Variants in CHN2 observed in about 807,000 individuals in gnomAD.
CHN2 encodes chimerin 2.
CHN2 carries 35 observed loss-of-function variants against 56.3 expected under a neutral mutation model. That is an observed-to-expected ratio of 0.62 (90% CI 0.47 to 0.82). CHN2 has a LOEUF of 0.82. Among genes scored for constraint, CHN2 ranks in the 40% least tolerant of loss-of-function variants. The pLI is 0.00. For missense variants in CHN2, 491 were observed against 580.5 expected (o/e 0.85, Z 1.58); for synonymous variants, 210 against 212.8 (o/e 0.99, Z 0.12).
intron 1 of CHN2, among the ~76,000 whole-genome samples, chr7:29,285,520 A>G (rs1204986127): frequency 1.5e-4 from 23 of 152,204 alleles, no homozygotes; most frequent in Admixed American, 1.5e-3. Flanking sequence ...CAGTCTAAAT[A>G]TTCTGTTTCC....
intron 1 of CHN2, chr7:29,335,614 C>G (rs1275834874): frequency 6.6e-6 from 1 of 152,220 alleles, no homozygotes; most frequent in Non-Finnish European, 1.5e-5. Flanking sequence ...GTAGTCTGTA[C>G]TAGAGCCTGC....
At chr7:29,443,281 G>A (rs2128125440) in intron 6 of CHN2, among the ~76,000 whole-genome samples, 1 of 152,254 alleles carries the variant, frequency 6.6e-6, no homozygotes, top group East Asian at 1.9e-4. Flanking sequence ...CTGAATCAGA[G>A]CAGAGGTCGT....
At chr7:29,230,802 T>A (rs1786629368) in intron 1 of CHN2, among the ~76,000 whole-genome samples, 2 of 152,218 alleles carry the variant, frequency 1.3e-5, no homozygotes, top group South Asian at 4.1e-4. Context: ...ATCTTGAAAT[T>A]TTTTTTGTGT....
chr7:29,501,271 C>T (rs1344533177), intron 9 of CHN2, among the ~76,000 whole-genome samples: 1 of 152,144 alleles, frequency 6.6e-6, no homozygotes, highest in African/African-American at 2.4e-5. Flanking sequence ...GTAAGAAATG[C>T]CTTCTATCTT....
intron 6 of CHN2, among the ~76,000 whole-genome samples, chr7:29,456,574 G>A (rs1443610462): frequency 3.3e-5 from 5 of 151,110 alleles, no homozygotes; most frequent in East Asian, 2.0e-4. Context: ...AGGCATACTC[G>A]TTCAAAATGC....
chr7:29,240,816 T>TTCGTCG (rs3046891), intron 1 of CHN2, among the ~76,000 whole-genome samples: 126 of 149,436 alleles, frequency 8.4e-4, no homozygotes, highest in Non-Finnish European at 1.2e-3. Flanking sequence ...CTTCTTCTTC[T>TTCGTCG]TCGTCGTCGT....
intron 8 of CHN2, 26 bp from the exon 9 acceptor site, chr7:29,499,841 G>T (rs1210250027): frequency 6.5e-7 from 1 of 1,539,834 alleles, no homozygotes. Context: ...GGCTGGGCTA[G>T]GCTAATGTGG....
chr7:29,292,682 T>G (rs1792730598), intron 1 of CHN2, among the ~76,000 whole-genome samples: 1 of 152,240 alleles, frequency 6.6e-6, no homozygotes, highest in Non-Finnish European at 1.5e-5. Context: ...GACTGAAATG[T>G]TATTGATTTT....
chr7:29,495,772 T>C (rs985353632), intron 7 of CHN2, among the ~76,000 whole-genome samples, 180 bp from the exon 8 acceptor site: 2 of 152,282 alleles, frequency 1.3e-5, no homozygotes, highest in Admixed American at 6.5e-5. Flanking sequence ...GGTGGATCGA[T>C]GAAGGATTTT....
chr7:29,308,604 G>A (rs1219954012), intron 1 of CHN2, among the ~76,000 whole-genome samples: 3 of 152,158 alleles, frequency 2.0e-5, no homozygotes, highest in African/African-American at 7.2e-5. Flanking sequence ...CACCTGCTGA[G>A]GAGCAAGGAA....
At chr7:29,309,132 T>C (rs1424773485) in intron 1 of CHN2, among the ~76,000 whole-genome samples, 1 of 152,210 alleles carries the variant, frequency 6.6e-6, no homozygotes. Context: ...AAATAGGTCA[T>C]AGTCTTTTAC....
At chr7:29,368,121 C>T (rs770956363) in intron 3 of CHN2, 134 bp downstream of exon 3, 35 of 564,056 alleles carry the variant, frequency 6.2e-5, no homozygotes, top group Non-Finnish European at 9.2e-5. Flanking sequence ...AAAAATTTAA[C>T]ATCTTCATAA....
intron 6 of CHN2, among the ~76,000 whole-genome samples, chr7:29,430,750 C>T (rs1295233598): frequency 7.0e-6 from 1 of 143,434 alleles, no homozygotes; most frequent in Non-Finnish European, 1.5e-5. Flanking sequence ...AGAGGCATCA[C>T]GTGACAATGT....
intron 1 of CHN2, chr7:29,195,596 GA>G: frequency 4.9e-5 from 1 of 20,312 alleles, no homozygotes; most frequent in African/African-American, 1.8e-4. Flanking sequence ...GCACATTTAC[GA>G]GAGAGAGAGA....
intron 1 of CHN2, among the ~76,000 whole-genome samples, chr7:29,339,220 G>A (rs1796846442): frequency 6.6e-6 from 1 of 152,236 alleles, no homozygotes; most frequent in Middle Eastern, 3.4e-3. Context: ...AGTGCTAAAT[G>A]TAATTGTAAA....
chr7:29,481,704 A>AT (rs1223647927), intron 7 of CHN2, among the ~76,000 whole-genome samples: 2 of 120,396 alleles, frequency 1.7e-5, no homozygotes, highest in Non-Finnish European at 3.6e-5. Flanking sequence ...ATCCTCATTA[A>AT]TTTTTTTTGG....
chr7:29,223,447 A>C (rs554691654), intron 1 of CHN2, among the ~76,000 whole-genome samples: 4 of 152,152 alleles, frequency 2.6e-5, no homozygotes, highest in Non-Finnish European at 4.4e-5. Context: ...ATCAATCACT[A>C]TGCTGACTTC....
chr7:29,176,320 A>G (rs1021156099), intron 2 of CHN2, among the ~76,000 whole-genome samples: 1 of 152,190 alleles, frequency 6.6e-6, no homozygotes, highest in Non-Finnish European at 1.5e-5. Flanking sequence ...ACATTTAGAT[A>G]CACTGTAGGA....
intron 3 of CHN2, among the ~76,000 whole-genome samples, chr7:29,375,534 TC>T (rs1205543562): frequency 6.6e-6 from 1 of 152,148 alleles, no homozygotes; most frequent in Non-Finnish European, 1.5e-5. Flanking sequence ...AAAGGTATAT[TC>T]CCTTAATTAG....
Sources: gnomAD v4.1 joint callset for allele counts (sites outside exome capture counted in the v4.1 genomes callset) on GRCh38, gnomAD v4.1.1 for gene constraint, MANE v1.5 for transcripts, NCBI Gene and HGNC (gene_info 2026-07-23, HGNC 2026-07-21) for gene names.